The following GRID2 variants were observed in gnomAD, a reference collection of about 807,000 sequenced individuals.
The protein encoded by GRID2 is glutamate ionotropic receptor delta type subunit 2, also known as glutamate receptor ionotropic, delta-2.
GRID2 carries 33 observed loss-of-function variants against 114.8 expected under a neutral mutation model. The ratio of observed to expected loss-of-function variants is 0.29; its 90% CI spans 0.22 to 0.38. The LOEUF is 0.38. GRID2 is among the 10% of genes least tolerant of loss of function. The pLI is 1.00. For missense variants in GRID2, 1,184 were observed against 1,257.7 expected (o/e 0.94, Z 0.89); for synonymous variants, 505 against 449.9 (o/e 1.12, Z -1.55).
At chr4:92,463,399 C>A (rs1159838680) in intron 1 of GRID2, among the ~76,000 whole-genome samples, 1 of 151,876 alleles carries the variant, frequency 6.6e-6, no homozygotes, top group East Asian at 1.9e-4. Context: ...TTTTGAACCA[C>A]CATATTTATT....
intron 2 of GRID2, among the ~76,000 whole-genome samples, chr4:93,074,181 A>T (rs1400304509): frequency 6.6e-6 from 1 of 152,196 alleles, no homozygotes; most frequent in Non-Finnish European, 1.5e-5. Context: ...CAACAACAAG[A>T]CACATATCCA....
chr4:93,354,797 T>A, intron 8 of GRID2, among the ~76,000 whole-genome samples: 1 of 110,108 alleles, frequency 9.1e-6, no homozygotes, highest in South Asian at 3.2e-4. Flanking sequence ...AAGATTTATA[T>A]ATATATTTTA....
chr4:93,469,386 A>G (rs1484968949), intron 11 of GRID2, among the ~76,000 whole-genome samples: 3 of 152,054 alleles, frequency 2.0e-5, no homozygotes, highest in African/African-American at 7.2e-5. Flanking sequence ...TCAGAGTAGA[A>G]TTAAATAAGG....
chr4:93,452,706 A>G (rs192331932), intron 10 of GRID2, among the ~76,000 whole-genome samples: 115 of 152,250 alleles, frequency 7.6e-4, no homozygotes, highest in African/African-American at 2.7e-3. Context: ...TATGTTCTCT[A>G]TATAATAACA....
At chr4:93,132,109 G>T (rs531088726) in intron 4 of GRID2, among the ~76,000 whole-genome samples, 19 of 152,248 alleles carry the variant, frequency 1.2e-4, no homozygotes, top group South Asian at 1.0e-3. Context: ...GGATAAATTA[G>T]AAGAACATTA....
intron 1 of GRID2, among the ~76,000 whole-genome samples, chr4:92,328,128 A>G (rs1339216295): frequency 6.6e-6 from 1 of 152,056 alleles, no homozygotes; most frequent in Non-Finnish European, 1.5e-5. Context: ...AAAAACAAAT[A>G]ATACACACAT....
chr4:93,463,837 A>C (rs1375585753), intron 11 of GRID2, among the ~76,000 whole-genome samples: 1 of 152,012 alleles, frequency 6.6e-6, no homozygotes, highest in Non-Finnish European at 1.5e-5. Context: ...AAAATACAAA[A>C]AATTAGCCAG....
At chr4:92,965,698 G>T (rs1015886283) in intron 2 of GRID2, among the ~76,000 whole-genome samples, 7 of 151,518 alleles carry the variant, frequency 4.6e-5, no homozygotes, top group Admixed American at 1.3e-4. Context: ...CTTACATTTG[G>T]GGCAGGAAAT....
At chr4:92,352,722 G>T (rs1486016462) in intron 1 of GRID2, among the ~76,000 whole-genome samples, 1 of 151,930 alleles carries the variant, frequency 6.6e-6, no homozygotes, top group Non-Finnish European at 1.5e-5. Context: ...TAGGATAAAT[G>T]CCTATCTAAG....
chr4:93,431,652 G>A (rs538307281), intron 10 of GRID2, among the ~76,000 whole-genome samples: 1 of 152,218 alleles, frequency 6.6e-6, no homozygotes, highest in Admixed American at 6.5e-5. Flanking sequence ...ACATGCATAT[G>A]TATTATTTTT....
chr4:93,731,140 TA>T (rs775158288), intron 14 of GRID2, among the ~76,000 whole-genome samples: 2 of 152,142 alleles, frequency 1.3e-5, no homozygotes, highest in African/African-American at 4.8e-5. Flanking sequence ...TCGTGATTTG[TA>T]AAAAAACTTT....
intron 2 of GRID2, among the ~76,000 whole-genome samples, chr4:92,804,026 A>C (rs1331969067): frequency 1.3e-5 from 2 of 151,472 alleles, no homozygotes; most frequent in Admixed American, 1.3e-4. Context: ...GATTGGAGTG[A>C]TGCTGCCACA....
chr4:93,295,951 A>G (rs926145820), intron 8 of GRID2, among the ~76,000 whole-genome samples: 3 of 152,370 alleles, frequency 2.0e-5, no homozygotes, highest in Non-Finnish European at 2.9e-5. Context: ...TGACTACAGC[A>G]GATTTTTATT....
At chr4:92,691,079 T>C (rs1734160543) in intron 2 of GRID2, among the ~76,000 whole-genome samples, 1 of 152,152 alleles carries the variant, frequency 6.6e-6, no homozygotes, top group Admixed American at 6.5e-5. Context: ...GTCTTCATTA[T>C]TTCTTCCCAT....
At chr4:92,799,108 A>T (rs993214374) in intron 2 of GRID2, among the ~76,000 whole-genome samples, 2 of 151,894 alleles carry the variant, frequency 1.3e-5, no homozygotes, top group African/African-American at 2.4e-5. Context: ...TTACATACTC[A>T]CCATAATGTA....
intron 1 of GRID2, among the ~76,000 whole-genome samples, chr4:92,396,524 G>A (rs1220066323): frequency 1.3e-5 from 2 of 151,930 alleles, no homozygotes; most frequent in African/African-American, 4.8e-5. Context: ...CCATTGGAGA[G>A]ACACTTCACT....
intron 2 of GRID2, among the ~76,000 whole-genome samples, chr4:92,819,418 G>C (rs1431726615): frequency 6.6e-6 from 1 of 152,076 alleles, no homozygotes; most frequent in African/African-American, 2.4e-5. Context: ...TATGGGGGCG[G>C]CATGAAGAGT....
intron 2 of GRID2, among the ~76,000 whole-genome samples, chr4:92,871,518 C>G (rs1353255159): frequency 6.6e-6 from 1 of 151,960 alleles, no homozygotes; most frequent in East Asian, 1.9e-4. Flanking sequence ...GTTTAAAAAC[C>G]ATGTCCTGGT....
At chr4:92,595,209 C>T (rs1390588801) in intron 2 of GRID2, among the ~76,000 whole-genome samples, 1 of 151,816 alleles carries the variant, frequency 6.6e-6, no homozygotes, top group Admixed American at 6.6e-5. Context: ...ATGTATTAAA[C>T]TATAATACTT....
Sources: allele counts gnomAD v4.1 joint callset (sites outside exome capture counted in the v4.1 genomes callset), GRCh38; gene constraint gnomAD v4.1.1; transcripts MANE v1.5; gene names NCBI Gene and HGNC (gene_info 2026-07-23, HGNC 2026-07-21).